Variants in PCSK2 observed in about 807,000 individuals in gnomAD.
PCSK2 encodes neuroendocrine convertase 2.
Under a neutral mutation model 69.7 loss-of-function variants are expected in PCSK2, and 14 were observed. The observed-to-expected ratio is 0.20, with a 90% CI of 0.13 to 0.31. The LOEUF (loss-of-function observed/expected upper bound fraction) is 0.31. Among genes scored for constraint, PCSK2 ranks in the 10% least tolerant of loss-of-function variants. The probability of loss-of-function intolerance (pLI) is 1.00; values close to 1 mark genes in which losing one functional copy is unlikely to be tolerated. For missense variants in PCSK2, 544 were observed against 842.5 expected, an observed-to-expected ratio of 0.65 and a Z score of 4.39; for synonymous variants, 307 against 320.7, an observed-to-expected ratio of 0.96 and a Z score of 0.46.
intron 2 of PCSK2, among the ~76,000 whole-genome samples, chr20:17,309,364 A>G (rs1989429896): frequency 6.6e-6 from 1 of 152,242 alleles, no homozygotes; most frequent in Admixed American, 6.5e-5. Context: ...AGTTAATAGG[A>G]AAGCTGAAGT....
intron 5 of PCSK2, among the ~76,000 whole-genome samples, chr20:17,399,815 G>A (rs1228953253): frequency 1.3e-5 from 2 of 152,206 alleles, no homozygotes; most frequent in African/African-American, 2.4e-5. Flanking sequence ...GAAAAAAGAG[G>A]AAGTATTTCA....
chr20:17,349,547 C>A (rs1450641533), intron 2 of PCSK2, among the ~76,000 whole-genome samples: 1 of 152,160 alleles, frequency 6.6e-6, no homozygotes, highest in Admixed American at 6.5e-5. Context: ...ACAAGGATGA[C>A]CAGGCCAGGG....
At position 17,316,128 on chromosome 20, in the gene PCSK2, T is replaced by A. The variant is rs554388834; in HGVS notation, c.283-42199T>A. Reference sequence around the variant, plus strand: ...TCTCAGTCGTCCTGACCGCATAGGGTTGCTCAGGCATAGAAGGCACTGGGC... The same window carrying A: ...TCTCAGTCGTCCTGACCGCATAGGGATGCTCAGGCATAGAAGGCACTGGGC... On this transcript the variant is annotated intron_variant, in intron 2 of 11. Coordinates refer to ENST00000262545, the MANE Select transcript of PCSK2 (RefSeq NM_002594.5). Among the ~76,000 whole-genome samples, 7 of 152,298 alleles carry A rather than the reference T, an allele frequency of 4.6e-5. No individual in the cohort carries two copies. The East Asian group carries it at 1.4e-3, about 29-fold the overall frequency.
intron 5 of PCSK2, among the ~76,000 whole-genome samples, chr20:17,371,438 C>G (rs987935927): frequency 6.6e-6 from 1 of 152,204 alleles, no homozygotes; most frequent in Non-Finnish European, 1.5e-5. Context: ...GTGCCAGCTC[C>G]TCTGAGATCT....
Position 17,455,183 on chromosome 20 carries a change from C to G in PCSK2, c.1102-1165C>G, listed in dbSNP as rs572449722. On this transcript the variant is annotated intron_variant, in intron 9 of 11. Coordinates refer to ENST00000262545, the MANE Select transcript of PCSK2 (RefSeq NM_002594.5). Reference sequence around the variant, plus strand: ...TTGTCCTCGACCCGTATTTATGACTCTTTCTACTTGGGCTGGCTAAAGGCC... The same window carrying G: ...TTGTCCTCGACCCGTATTTATGACTGTTTCTACTTGGGCTGGCTAAAGGCC... 2.2e-4 allele frequency among the ~76,000 whole-genome samples: 34 copies of G among 152,202 alleles called. No homozygotes were observed. The South Asian group carries it at 2.9e-3, about 13-fold the overall frequency.
chr20:17,444,999 C>T (rs544026859), intron 8 of PCSK2, among the ~76,000 whole-genome samples: 2 of 152,220 alleles, frequency 1.3e-5, no homozygotes, highest in Non-Finnish European at 2.9e-5. Flanking sequence ...AACTCCCAGG[C>T]ACAGGGAATT....
intron 3 of PCSK2, 73 bp from the exon 4 acceptor site, chr20:17,360,459 C>G (rs878868082): frequency 1.2e-6 from 1 of 850,542 alleles, no homozygotes; most frequent in Admixed American, 2.2e-5. Flanking sequence ...TAGAGTATGT[C>G]AAGTAAATAT....
chr20:17,458,449 C>T (rs1340538976), intron 10 of PCSK2, among the ~76,000 whole-genome samples: 8 of 152,164 alleles, frequency 5.3e-5, no homozygotes, highest in Admixed American at 5.2e-4. Context: ...CAGTCATCGG[C>T]TAAGAGCTAC....
At chr20:17,342,534 G>T (rs953804186) in intron 2 of PCSK2, among the ~76,000 whole-genome samples, 2 of 152,078 alleles carry the variant, frequency 1.3e-5, no homozygotes, top group African/African-American at 4.8e-5. Flanking sequence ...GTCCAGGCTG[G>T]TCTCAACTCC....
chr20:17,293,172 G>A (rs1164548442), intron 2 of PCSK2, among the ~76,000 whole-genome samples: 1 of 152,150 alleles, frequency 6.6e-6, no homozygotes, highest in African/African-American at 2.4e-5. Flanking sequence ...GAAAAGCTAT[G>A]AAGTTTTTAC....
chr20:17,358,502 T>C, intron 3 of PCSK2, 62 bp downstream of exon 3: 1 of 900,122 alleles, frequency 1.1e-6, no homozygotes, highest in Non-Finnish European at 1.9e-6. Context: ...AAAGATGAAT[T>C]CCTGTATCCT....
chr20:17,390,963 G>C (rs1361762878), intron 5 of PCSK2, among the ~76,000 whole-genome samples: 1 of 152,078 alleles, frequency 6.6e-6, no homozygotes, highest in Non-Finnish European at 1.5e-5. Flanking sequence ...CTCTCCAACA[G>C]TGTGGATATT....
intron 1 of PCSK2, among the ~76,000 whole-genome samples, chr20:17,248,625 T>C (rs1358808818): frequency 1.3e-5 from 2 of 152,244 alleles, no homozygotes; most frequent in African/African-American, 4.8e-5. Flanking sequence ...TCAGTCAATT[T>C]ACCTGTTTAT....
In PCSK2 at chr20:17,326,081, G is replaced by C. The variant is rs190594609; in HGVS notation, c.283-32246G>C. Among the ~76,000 whole-genome samples, 101 of 152,342 alleles carry C rather than the reference G, an allele frequency of 6.6e-4. 1 individual carries two copies. Among genetic ancestry groups the C allele is most frequent in the South Asian group, 1.9e-3 (9 of 4,832 alleles). On this transcript the variant is annotated intron_variant, in intron 2 of 11. Transcript: ENST00000262545. ...TATCTCTTCTGCCCCCATGCCATTA[G>C]CCAACACAACTCAACATGATCAAGT...
At chr20:17,368,062 G>A (rs35387076) in intron 4 of PCSK2, among the ~76,000 whole-genome samples, 12,694 of 152,016 alleles carry the variant, frequency 0.084, 663 homozygotes, top group Non-Finnish European at 0.12. Context: ...GTTACTCATT[G>A]TATAACCGGA....
At chr20:17,281,365 T>C (rs1988304781) in intron 2 of PCSK2, among the ~76,000 whole-genome samples, 1 of 152,170 alleles carries the variant, frequency 6.6e-6, no homozygotes, top group Admixed American at 6.5e-5. Flanking sequence ...CCAGTGAACT[T>C]TAAGGTCAGG....
intron 2 of PCSK2, among the ~76,000 whole-genome samples, chr20:17,260,865 C>T (rs1048274133): frequency 6.6e-6 from 1 of 152,118 alleles, no homozygotes; most frequent in African/African-American, 2.4e-5. Flanking sequence ...TCTTTTTATC[C>T]TATATTTTCT....
At chr20:17,395,440 TA>T (rs967585009) in intron 5 of PCSK2, among the ~76,000 whole-genome samples, 2 of 152,174 alleles carry the variant, frequency 1.3e-5, no homozygotes, top group African/African-American at 4.8e-5. Flanking sequence ...CTTTTTATCA[TA>T]AAAATGAGCT....
intron 2 of PCSK2, among the ~76,000 whole-genome samples, chr20:17,356,461 AAAG>A (rs894107776): frequency 2.0e-4 from 31 of 152,278 alleles, no homozygotes; most frequent in African/African-American, 7.2e-4. Flanking sequence ...TGTGCAGAGT[AAAG>A]AAGTGAGGAT....
Sources: allele counts gnomAD v4.1 joint callset (sites outside exome capture counted in the v4.1 genomes callset), GRCh38; gene constraint gnomAD v4.1.1; transcripts MANE v1.5; gene names NCBI Gene and HGNC (gene_info 2026-07-23, HGNC 2026-07-21).